The following GGCT variants were observed in gnomAD, a reference collection of about 807,000 sequenced individuals.
The protein encoded by GGCT is cytochrome c-releasing factor 21.
Under a neutral mutation model 22.1 loss-of-function variants are expected in GGCT, and 20 were observed. The ratio of observed to expected loss-of-function variants is 0.91; its 90% CI spans 0.64 to 1.32. The LOEUF (loss-of-function observed/expected upper bound fraction) is 1.32. Ranked by LOEUF, GGCT falls within the 40% of genes most tolerant of loss-of-function variation. The pLI, the probability that GGCT is intolerant of heterozygous loss-of-function variation, is 0.00. For synonymous variants in GGCT, 72 were observed against 78.4 expected, an observed-to-expected ratio of 0.92 and a Z score of 0.43; for missense variants, 209 against 223.5, an observed-to-expected ratio of 0.94 and a Z score of 0.41.
chr7:30,497,986 G>T, intron 3 of GGCT: 4 of 322,938 alleles, frequency 1.2e-5, no homozygotes, highest in Admixed American at 6.0e-5. Context: ...TGTGTTACGG[G>T]GAGAAAAACA....
chr7:30,497,453 G>C (rs375837453), intron 3 of GGCT: 6 of 386,346 alleles, frequency 1.6e-5, no homozygotes, highest in Admixed American at 8.7e-5. Context: ...CATCCTCATG[G>C]AATATCAACT....
intron 2 of GGCT, among the ~76,000 whole-genome samples, chr7:30,500,127 T>C (rs1006279557): frequency 1.3e-5 from 2 of 152,218 alleles, no homozygotes; most frequent in Non-Finnish European, 2.9e-5. Flanking sequence ...TTTTACAAAG[T>C]ATTACTTATT....
rs1483215071 is a variant in GGCT, at chr7:30,504,587, G to A, written c.123C>T (p.Phe41=). The stretch of plus-strand genomic sequence containing the variant: ...CACTCACCTGCAGGCGGGCCACACA[G>A]AAGAACGCCGCCGAGGGGTTTCGGA... ...IHLRNPSAAF[F]CVARLQDFKL... is the part of the protein sequence containing the mutation. The change falls in exon 1 of 4, where the codon TTC becomes TTT. Residue 41 remains phenylalanine, a synonymous_variant. Coordinates refer to ENST00000275428, the MANE Select transcript of GGCT (RefSeq NM_024051.4). The A allele has an allele frequency of 3.1e-6, 5 of 1,613,814 alleles. No homozygotes were observed. The highest frequency in any genetic ancestry group is 4.2e-6 in the Non-Finnish European group (5 of 1,179,858).
At position 30,500,682 on chromosome 7, in the gene GGCT, C is replaced by A; in HGVS notation, c.142-1G>T. 1 of 1,612,978 alleles carries A rather than the reference C, an allele frequency of 6.2e-7. No individual in the cohort carries two copies. Among genetic ancestry groups the A allele is most frequent in the Non-Finnish European group, 8.5e-7 (1 of 1,179,460 alleles). On this transcript the variant is annotated splice_acceptor_variant, in intron 1 of 3. Coordinates refer to ENST00000275428, the MANE Select transcript of GGCT (RefSeq NM_024051.4). LOFTEE classifies it high-confidence loss of function. ...AATTGCCAAAGTCAAGCTTAAAATCCTACAAAGGAAATCAAAGTGATATGA... is the reference window on the plus strand; with the variant it reads ...AATTGCCAAAGTCAAGCTTAAAATCATACAAAGGAAATCAAAGTGATATGA...
At chr7:30,499,740 C>T (rs1217743743) in intron 2 of GGCT, among the ~76,000 whole-genome samples, 3 of 151,310 alleles carry the variant, frequency 2.0e-5, no homozygotes, top group African/African-American at 7.3e-5. Context: ...CTTAGCTTAG[C>T]ATTTCAATTA....
intron 2 of GGCT, among the ~76,000 whole-genome samples, chr7:30,499,493 C>T (rs992270332): frequency 1.3e-5 from 2 of 151,976 alleles, no homozygotes; most frequent in East Asian, 1.9e-4. Context: ...CATCTGAGGT[C>T]AGGAGTTCGA....
rs1368477437 is a variant in GGCT at position 30,497,069 on chromosome 7, C to G, written c.*23G>C. On this transcript the variant is annotated 3_prime_UTR_variant, in exon 4 of 4. Coordinates refer to ENST00000275428, the MANE Select transcript of GGCT (RefSeq NM_024051.4). ...TATTTTATATTAGCACATAGAATAC[C>G]CTTAGATATATTCTGTTATGTTCTA... 1 of 1,477,338 alleles carries G rather than the reference C, an allele frequency of 6.8e-7. No individual in the cohort carries two copies. The highest frequency in any genetic ancestry group is 1.4e-5 in the African/African-American group (1 of 70,662). 91.5% of individuals were successfully genotyped at this position (1,477,338 alleles called of 1,614,324 possible). A position where few individuals can be genotyped will look rare whatever the true frequency, so the allele number is the denominator to read the frequency against.
At chr7:30,497,473 T>C (rs1478985129) in intron 3 of GGCT, 1 of 377,246 alleles carries the variant, frequency 2.7e-6, no homozygotes, top group East Asian at 4.0e-5. Context: ...TTTCTCAATA[T>C]ATGATTTTAA....
chr7:30,496,898 C>A lies in GGCT; in HGVS notation c.*194G>T. On this transcript the variant is annotated 3_prime_UTR_variant, in exon 4 of 4. Transcript: ENST00000275428. Reference sequence around the variant, plus strand: ...TCACATATTTCAGGCCCTCATACACCCCTTTTAAATTGTCTAACTCCTATC... The same window carrying A: ...TCACATATTTCAGGCCCTCATACACACCTTTTAAATTGTCTAACTCCTATC... 2 of 394,968 alleles carry A rather than the reference C, an allele frequency of 5.1e-6. No individual in the cohort carries two copies. The highest frequency in any genetic ancestry group is 9.0e-6 in the Non-Finnish European group (2 of 223,286). The allele number at this position is 394,968 out of a possible 1,614,324, so 24.5% of individuals were successfully genotyped here. A position where few individuals can be genotyped will look rare whatever the true frequency, so the allele number is the denominator to read the frequency against.
At chr7:30,499,838 G>GT (rs11422074) in intron 2 of GGCT, among the ~76,000 whole-genome samples, 88,380 of 149,396 alleles carry the variant, frequency 0.59, 28,175 homozygotes, top group Non-Finnish European at 0.71. Context: ...AATATAGTTT[G>GT]TTTTTTTTTT....
intron 3 of GGCT, chr7:30,497,625 G>T: frequency 2.0e-6 from 1 of 511,416 alleles, no homozygotes; most frequent in Non-Finnish European, 3.1e-6. Context: ...GCTCTGAATT[G>T]GACATGGGGG....
chr7:30,504,573 A>G lies in GGCT; in HGVS notation c.137T>C (p.Leu46Pro). 6.2e-7 allele frequency: 1 copy of G among 1,613,636 alleles called. No individual in the cohort carries two copies. The highest frequency in any genetic ancestry group is 8.5e-7 in the Non-Finnish European group (1 of 1,179,810). ...PSAAFFCVAR[L>P]QDFKLDFGNS... is the part of the protein sequence containing the mutation. ...AGCGCGGGAGGGGGCACTCACCTGC[A>G]GGCGGGCCACACAGAAGAACGCCGC... Residue 46 changes from leucine (L) to proline (P), a missense_variant, in exon 1 of 4, where the codon CTG becomes CCG. Leu to Pro is a moderately conservative substitution (Grantham distance 98, BLOSUM62 -3). Coordinates refer to ENST00000275428, the MANE Select transcript of GGCT (RefSeq NM_024051.4).
intron 2 of GGCT, among the ~76,000 whole-genome samples, chr7:30,499,712 C>CAA (rs1053558460): frequency 7.9e-6 from 1 of 126,356 alleles, no homozygotes. Context: ...GACTCCGTTA[C>CAA]AAAAAAAAAA....
chr7:30,498,026 T>TATATATAC (rs68111355), intron 3 of GGCT: 16 of 219,502 alleles, frequency 7.3e-5, no homozygotes, highest in Non-Finnish European at 9.2e-5. Flanking sequence ...TATATATAGA[T>TATATATAC]ACACACACAC....
At position 30,504,567 on chromosome 7, in the gene GGCT, A is replaced by C; in HGVS notation, c.141+2T>G. 6.2e-7 allele frequency: 1 copy of C among 1,613,380 alleles called. No individual in the cohort carries two copies. Among genetic ancestry groups the C allele is most frequent in the Non-Finnish European group, 8.5e-7 (1 of 1,179,780 alleles). ...GTGGGTAGCGCGGGAGGGGGCACTC[A>C]CCTGCAGGCGGGCCACACAGAAGAA... On this transcript the variant is annotated splice_donor_variant, in intron 1 of 3. Transcript: ENST00000275428. LOFTEE classifies it high-confidence loss of function.
intron 3 of GGCT, chr7:30,497,731 A>G: frequency 7.4e-7 from 1 of 1,357,066 alleles, no homozygotes; most frequent in South Asian, 2.0e-5. Flanking sequence ...AGGCCTAGGA[A>G]CCAGATTACC....
chr7:30,502,488 T>C (rs986796218), intron 1 of GGCT, among the ~76,000 whole-genome samples: 1 of 152,194 alleles, frequency 6.6e-6, no homozygotes, highest in African/African-American at 2.4e-5. Flanking sequence ...TCAGAAGTGC[T>C]TAGAACAGGG....
chr7:30,499,088 G>T, intron 2 of GGCT, 150 bp from the exon 3 acceptor site: 1 of 775,214 alleles, frequency 1.3e-6, no homozygotes, highest in Non-Finnish European at 2.3e-6. Context: ...TTGGGATAGA[G>T]AATATATAAA....
At chr7:30,498,181 CAAAA>C (rs1789603458) in intron 3 of GGCT, among the ~76,000 whole-genome samples, 1 of 101,278 alleles carries the variant, frequency 9.9e-6, no homozygotes, top group African/African-American at 2.8e-5. Flanking sequence ...TATTGCCAGG[CAAAA>C]GAAAGAAAGA....
Sources: allele counts gnomAD v4.1 joint callset (sites outside exome capture counted in the v4.1 genomes callset), GRCh38; gene constraint gnomAD v4.1.1; transcripts MANE v1.5; gene names NCBI Gene and HGNC (gene_info 2026-07-23, HGNC 2026-07-21).